DDX60: variants seen among roughly 807,000 people sequenced by gnomAD.
DDX60 encodes DExD/H-box helicase 60.
DDX60 carries 165 observed loss-of-function variants against 212.8 expected under a neutral mutation model. The observed-to-expected ratio is 0.78, with a 90% CI of 0.68 to 0.88. DDX60 has a LOEUF of 0.88. Ranked by LOEUF, DDX60 falls within the 40% of genes least tolerant of loss-of-function variation. The pLI is 0.00. For synonymous variants in DDX60, 703 were observed against 685.3 expected (o/e 1.03, Z -0.40); for missense variants, 1,905 against 2,003.9 (o/e 0.95, Z 0.94).
At chr4:168,321,705 C>G (rs573986305), upstream of DDX60, among the ~76,000 whole-genome samples, 1 of 152,304 alleles carries the variant, frequency 6.6e-6, no homozygotes, top group South Asian at 2.1e-4. Flanking sequence ...CACAACATAA[C>G]TAGCCTTCTA....
chr4:168,276,304 T>A, intron 14 of DDX60, 123 bp from the exon 15 acceptor site: 2 of 706,750 alleles, frequency 2.8e-6, no homozygotes, highest in Non-Finnish European at 2.2e-6. Context: ...GGTTTTGGAG[T>A]AGAAAGGACC....
rs1180230108 is a variant in DDX60 at position 168,293,820 on chromosome 4, C to T, written c.849G>A (p.Glu283=). 5 of 1,613,456 alleles carry T rather than the reference C, an allele frequency of 3.1e-6. No homozygotes were observed. The highest frequency in any genetic ancestry group is 2.2e-5 in the East Asian group (1 of 44,852). The change falls in exon 7 of 38, where the codon GAG becomes GAA. Residue 283 remains glutamate (E), a synonymous_variant. Transcript: ENST00000393743. ...RMYHRFLGNR[E]PSSGQETEIQ... ...TCTCAGTTTCCTGACCAGAGGAGGGCTCTCTGTTTCCTAAAAAGCGATGGT... is the reference window on the plus strand; with the variant it reads ...TCTCAGTTTCCTGACCAGAGGAGGGTTCTCTGTTTCCTAAAAAGCGATGGT...
intron 1 of DDX60, among the ~76,000 whole-genome samples, chr4:168,312,264 G>A (rs1336050510): frequency 6.6e-6 from 1 of 152,124 alleles, no homozygotes; most frequent in Admixed American, 6.6e-5. Flanking sequence ...GATTATGGCG[G>A]CATTTGTGAA....
intron 1 of DDX60, among the ~76,000 whole-genome samples, chr4:168,313,822 C>T (rs1031372696): frequency 6.6e-6 from 1 of 152,048 alleles, no homozygotes; most frequent in Non-Finnish European, 1.5e-5. Context: ...TATGTCCTGA[C>T]AACTTAGAAA....
At chr4:168,278,351 G>A (rs1735441503) in intron 14 of DDX60, among the ~76,000 whole-genome samples, 2 of 152,278 alleles carry the variant, frequency 1.3e-5, no homozygotes, top group Admixed American at 6.5e-5. Flanking sequence ...AAGATAGAAG[G>A]TGGAAGACAT....
chr4:168,233,948 A>C (rs76874777), intron 33 of DDX60, among the ~76,000 whole-genome samples: 4,713 of 152,210 alleles, frequency 0.031, 227 homozygotes, highest in African/African-American at 0.11. Flanking sequence ...GTCTAATATG[A>C]TTCTAGTTAT....
intron 18 of DDX60, 37 bp from the exon 19 acceptor site, chr4:168,272,175 G>T: frequency 1.3e-6 from 2 of 1,485,526 alleles, no homozygotes; most frequent in Non-Finnish European, 1.8e-6. Flanking sequence ...AACATTTTGA[G>T]CACTTACTAT....
intron 25 of DDX60, 100 bp downstream of exon 25, chr4:168,260,765 G>A: frequency 9.5e-7 from 1 of 1,048,666 alleles, no homozygotes; most frequent in South Asian, 1.5e-5. Flanking sequence ...CCATGGGCTG[G>A]GCCAGTGATG....
chr4:168,282,186 A>C (rs1290164620), intron 13 of DDX60, among the ~76,000 whole-genome samples: 3 of 152,230 alleles, frequency 2.0e-5, no homozygotes, highest in Non-Finnish European at 4.4e-5. Flanking sequence ...TTAAAACAAA[A>C]GATGGGACAG....
chr4:168,283,042 A>T (rs1299668128), intron 13 of DDX60, among the ~76,000 whole-genome samples: 2 of 152,188 alleles, frequency 1.3e-5, no homozygotes. Context: ...CAATCATTTA[A>T]ATACTTTGGA....
chr4:168,311,922 T>C (rs937020712), intron 1 of DDX60, among the ~76,000 whole-genome samples: 3 of 152,144 alleles, frequency 2.0e-5, no homozygotes, highest in Non-Finnish European at 4.4e-5. Flanking sequence ...TTTGAAAAGA[T>C]TAGTCCAGCT....
chr4:168,248,584 A>T (rs1024675983), intron 28 of DDX60, among the ~76,000 whole-genome samples: 2 of 152,120 alleles, frequency 1.3e-5, no homozygotes, highest in Non-Finnish European at 2.9e-5. Context: ...CATCCAAAAT[A>T]ACCACCCCTA....
At chr4:168,274,250 G>GA (rs1735231161) in intron 16 of DDX60, among the ~76,000 whole-genome samples, 167 bp from the exon 17 acceptor site, 1 of 152,154 alleles carries the variant, frequency 6.6e-6, no homozygotes, top group South Asian at 2.1e-4. Flanking sequence ...TTATGCTTTT[G>GA]AACATCTGTA....
intron 33 of DDX60, among the ~76,000 whole-genome samples, chr4:168,235,850 T>C (rs1362577542): frequency 2.0e-5 from 3 of 152,078 alleles, no homozygotes; most frequent in Non-Finnish European, 4.4e-5. Context: ...GTGAAGACAT[T>C]ATAATTCACA....
At chr4:168,238,304 G>GGTTATA (rs761296961) in intron 30 of DDX60, among the ~76,000 whole-genome samples, 8 of 149,028 alleles carry the variant, frequency 5.4e-5, no homozygotes, top group Admixed American at 1.3e-4. Context: ...TTAGGCCTGA[G>GGTTATA]GGTTTATAGA....
chr4:168,246,101 A>G (rs1193905743), intron 30 of DDX60, among the ~76,000 whole-genome samples: 1 of 152,182 alleles, frequency 6.6e-6, no homozygotes, highest in Non-Finnish European at 1.5e-5. Flanking sequence ...AAAGGAGTCT[A>G]TTAGTCACCT....
chr4:168,283,092 T>G (rs1236343698), intron 13 of DDX60, among the ~76,000 whole-genome samples: 1 of 152,102 alleles, frequency 6.6e-6, no homozygotes, highest in African/African-American at 2.4e-5. Flanking sequence ...AAAAAGTAGA[T>G]AAACATTTCA....
intron 5 of DDX60, 97 bp from the exon 6 acceptor site, chr4:168,302,513 A>G: frequency 1.9e-6 from 1 of 535,256 alleles, no homozygotes; most frequent in Non-Finnish European, 3.0e-6. Context: ...TAATTATGTT[A>G]CGATATATTT....
Position 168,307,161 on chromosome 4 carries a change from A to G in DDX60, c.265-441T>C, listed in dbSNP as rs17053932. On this transcript the variant is annotated intron_variant, in intron 4 of 37. Transcript: ENST00000393743. ...TCGGCATAACAAAATTGGGGCAACC[A>G]ACTAGATTGTAAACATTAGATCGGA... is the stretch of plus-strand genomic sequence containing the variant. 5.0e-3 allele frequency among the ~76,000 whole-genome samples: 761 copies of G among 152,314 alleles called. 2 individuals carry two copies. The highest frequency in any genetic ancestry group is 0.017 in the African/African-American group (713 of 41,574).
Sources: gnomAD v4.1 joint callset for allele counts (sites outside exome capture counted in the v4.1 genomes callset) on GRCh38, gnomAD v4.1.1 for gene constraint, MANE v1.5 for transcripts, NCBI Gene and HGNC (gene_info 2026-07-23, HGNC 2026-07-21) for gene names.